Variants in LYRM4 observed in about 807,000 individuals in gnomAD.
LYRM4 encodes LYR motif-containing protein 4.
Under a neutral mutation model 11.7 loss-of-function variants are expected in LYRM4, and 9 were observed. The observed-to-expected ratio is 0.77, with a 90% CI of 0.46 to 1.34. The LOEUF is 1.34. LYRM4 is among the 40% of genes most tolerant of loss of function. LYRM4 has a pLI of 0.00. For missense variants in LYRM4, 133 were observed against 112.5 expected, an observed-to-expected ratio of 1.18 and a Z score of -0.82; for synonymous variants, 42 against 40.4, an observed-to-expected ratio of 1.04 and a Z score of -0.15.
At chr6:5,044,613 C>T in the LYRM4 span, among the ~76,000 whole-genome samples, 1 of 151,986 alleles carries the variant, frequency 6.6e-6, no homozygotes, top group Non-Finnish European at 1.5e-5. Context: ...TCTTTTTTTC[C>T]TTCCTCGGCC....
chr6:5,184,243 A>G (rs1393171601), intron 2 of LYRM4, among the ~76,000 whole-genome samples: 2 of 152,174 alleles, frequency 1.3e-5, no homozygotes, highest in African/African-American at 2.4e-5. Context: ...AAATAAATAA[A>G]CCCCAACAAT....
At chr6:5,251,687 G>A (rs964864573) in intron 1 of LYRM4, among the ~76,000 whole-genome samples, 5 of 152,146 alleles carry the variant, frequency 3.3e-5, no homozygotes, top group Admixed American at 2.0e-4. Flanking sequence ...CCTCCAACAC[G>A]GGGGATTGCA....
chr6:5,057,867 T>A, the LYRM4 span, among the ~76,000 whole-genome samples: 1 of 151,638 alleles, frequency 6.6e-6, no homozygotes, highest in African/African-American at 2.4e-5. Context: ...GCTCAAGCAA[T>A]CCTCCCACCT....
chr6:5,217,759 T>C (rs1321691277), intron 1 of LYRM4, among the ~76,000 whole-genome samples: 1 of 152,190 alleles, frequency 6.6e-6, no homozygotes, highest in African/African-American at 2.4e-5. Context: ...GTGTGGATAA[T>C]TAGCCACAAC....
intron 2 of LYRM4, among the ~76,000 whole-genome samples, chr6:5,204,856 T>C (rs35238319): frequency 0.01 from 1,574 of 152,332 alleles, 32 homozygotes; most frequent in African/African-American, 0.035. Context: ...AGGGTGCTAG[T>C]GCACATCATC....
the LYRM4 span, among the ~76,000 whole-genome samples, chr6:5,082,984 G>A: frequency 6.6e-6 from 1 of 152,200 alleles, no homozygotes; most frequent in Non-Finnish European, 1.5e-5. Flanking sequence ...TCTCAGCATT[G>A]GCCACAGGGG....
At chr6:5,067,006 C>A in the LYRM4 span, 1 of 736,870 alleles carries the variant, frequency 1.4e-6, no homozygotes, top group Non-Finnish European at 2.0e-6. Context: ...AGGCCCGCTC[C>A]AAGGATTACC....
intron 2 of LYRM4, among the ~76,000 whole-genome samples, chr6:5,149,457 T>C (rs1013373476): frequency 6.6e-6 from 1 of 152,210 alleles, no homozygotes; most frequent in Non-Finnish European, 1.5e-5. Flanking sequence ...CAAGGTCAGA[T>C]AGCATGTCGT....
Position 5,134,928 on chromosome 6 carries a change from T to C in LYRM4, c.208-25437A>G, listed in dbSNP as rs1473354499. Among the ~76,000 whole-genome samples, 23 of 149,278 alleles carry C rather than the reference T, an allele frequency of 1.5e-4. 2 individuals carry two copies. The highest frequency in any genetic ancestry group is 5.5e-4 in the African/African-American group (22 of 40,222). On this transcript the variant is annotated intron_variant, in intron 2 of 2. Transcript: ENST00000330636. ...GGAGGGTGCGGTTCACTCCTGGGAC[T>C]GTGGAGGGTGCGGATCACTCCCGGG...
At chr6:5,159,207 G>T (rs1424100990) in intron 2 of LYRM4, among the ~76,000 whole-genome samples, 1 of 152,216 alleles carries the variant, frequency 6.6e-6, no homozygotes, top group Non-Finnish European at 1.5e-5. Flanking sequence ...CCTGGCAGGG[G>T]GGTGGGCCCC....
chr6:5,104,266 G>A (rs1232310020), downstream of LYRM4: 1 of 151,434 alleles, frequency 6.6e-6, no homozygotes, highest in Non-Finnish European at 1.5e-5. Flanking sequence ...CTTTCGAGTT[G>A]TTTTATCCCA....
chr6:5,047,725 T>C, the LYRM4 span, among the ~76,000 whole-genome samples: 1 of 152,098 alleles, frequency 6.6e-6, no homozygotes, highest in Admixed American at 6.5e-5. Flanking sequence ...AACCAACAAT[T>C]TGACAAAAAA....
intron 2 of LYRM4, among the ~76,000 whole-genome samples, chr6:5,204,160 C>T (rs1421293201): frequency 6.6e-6 from 1 of 152,166 alleles, no homozygotes; most frequent in East Asian, 1.9e-4. Flanking sequence ...TGTTGTACTC[C>T]TGGGCCTGTG....
downstream of LYRM4, chr6:5,107,975 C>A (rs1242990981): frequency 6.6e-6 from 1 of 152,208 alleles, no homozygotes; most frequent in Non-Finnish European, 1.5e-5. Context: ...CGCTGCACTC[C>A]AGCCTGGGTG....
At chr6:5,090,692 C>T in the LYRM4 span, among the ~76,000 whole-genome samples, 4 of 152,218 alleles carry the variant, frequency 2.6e-5, no homozygotes, top group Non-Finnish European at 4.4e-5. The surrounding 1 kb of genome is among the most constrained non-coding windows in gnomAD (Gnocchi z 4.8). Flanking sequence ...GTGAGGGCTT[C>T]CCTGGAATGC....
chr6:5,094,792 T>G, the LYRM4 span, among the ~76,000 whole-genome samples: 1 of 152,212 alleles, frequency 6.6e-6, no homozygotes, highest in Non-Finnish European at 1.5e-5. Context: ...AAGCCCTGAT[T>G]TGAATACAGA....
the LYRM4 span, chr6:5,085,732 C>T: frequency 1.3e-6 from 2 of 1,543,078 alleles, no homozygotes; most frequent in Non-Finnish European, 1.7e-6. Context: ...CTGCCGCGCG[C>T]GCTCCTTTTC....
the LYRM4 span, among the ~76,000 whole-genome samples, chr6:5,047,047 A>G: frequency 1.3e-5 from 2 of 152,128 alleles, no homozygotes; most frequent in African/African-American, 4.8e-5. Context: ...AGCCATGATC[A>G]TGCCACTGCA....
At chr6:5,221,551 G>A (rs1347715061) in intron 1 of LYRM4, among the ~76,000 whole-genome samples, 1 of 152,154 alleles carries the variant, frequency 6.6e-6, no homozygotes, top group Admixed American at 6.5e-5. Context: ...AAATTAGCTG[G>A]GTGCGGTGGC....
Sources: allele counts gnomAD v4.1 joint callset (sites outside exome capture counted in the v4.1 genomes callset), GRCh38; gene constraint gnomAD v4.1.1; non-coding constraint Gnocchi (gnomAD v3.1); transcripts MANE v1.5; gene names NCBI Gene and HGNC (gene_info 2026-07-23, HGNC 2026-07-21).